The following ABL1 variants were observed in gnomAD, a reference collection of about 807,000 sequenced individuals.
ABL1 encodes ABL proto-oncogene 1, non-receptor tyrosine kinase.
A neutral mutation model predicts 94.7 loss-of-function variants in ABL1; 11 were observed. The observed-to-expected ratio is 0.12, with a 90% CI of 0.07 to 0.19. The LOEUF (loss-of-function observed/expected upper bound fraction) is 0.19. ABL1 is among the 10% of genes least tolerant of loss of function. ABL1 has a pLI of 1.00. For synonymous variants in ABL1, 656 were observed against 622.4 expected, an observed-to-expected ratio of 1.05 and a Z score of -0.80; for missense variants, 1,082 against 1,489.4, an observed-to-expected ratio of 0.73 and a Z score of 4.50.
intron 1 of ABL1, among the ~76,000 whole-genome samples, chr9:130,803,240 A>G (rs1330991703): frequency 6.6e-6 from 1 of 152,056 alleles, no homozygotes; most frequent in African/African-American, 2.4e-5. Flanking sequence ...GGGTTTTGCC[A>G]TGTTGGCCAG....
At chr9:130,732,013 C>G (rs1831672533) in intron 1 of ABL1, among the ~76,000 whole-genome samples, 1 of 151,336 alleles carries the variant, frequency 6.6e-6, no homozygotes, top group African/African-American at 2.4e-5. Flanking sequence ...TCACCTTTCT[C>G]TATTCTTTTT....
intron 1 of ABL1, among the ~76,000 whole-genome samples, chr9:130,722,618 G>A (rs1168676294): frequency 6.6e-6 from 1 of 152,086 alleles, no homozygotes; most frequent in South Asian, 2.1e-4. Context: ...GCCTCCCAAA[G>A]CAATGGGATC....
chr9:130,823,506 TCCTG>T, intron 1 of ABL1, among the ~76,000 whole-genome samples: 2 of 152,268 alleles, frequency 1.3e-5, no homozygotes, highest in East Asian at 3.9e-4. Context: ...ACAGTCGCGG[TCCTG>T]GAGGGGCACG....
intron 1 of ABL1, among the ~76,000 whole-genome samples, chr9:130,821,457 T>A (rs1830362338): frequency 6.6e-6 from 1 of 152,230 alleles, no homozygotes; most frequent in Non-Finnish European, 1.5e-5. Context: ...ATAGCACGTC[T>A]CAGTACTTTG....
At chr9:130,844,758 G>A (rs750238125) in intron 1 of ABL1, among the ~76,000 whole-genome samples, 14 of 152,046 alleles carry the variant, frequency 9.2e-5, no homozygotes, top group Admixed American at 2.6e-4. Context: ...CCAAGATCGC[G>A]CCACCGCACT....
At position 130,806,054 on chromosome 9, in the gene ABL1, A is replaced by G. The variant is rs1207099802; in HGVS notation, c.137-48010A>G. ...GGAAGAAAGCAGGTGTCTGGCCCAG[A>G]GGACCAGATTAAGAAGACCCCATGA... is the stretch of plus-strand genomic sequence containing the variant. On this transcript the variant is annotated intron_variant, in intron 1 of 10. Transcript: ENST00000372348. 2.6e-5 allele frequency among the ~76,000 whole-genome samples: 4 copies of G among 152,328 alleles called. No homozygotes were observed. In the East Asian group the frequency reaches 7.7e-4, roughly 29 times the overall value.
rs1054648575 is a variant in ABL1 at position 130,856,890 on chromosome 9, G to T, written c.549+1794G>T. Among the ~76,000 whole-genome samples the T allele has an allele frequency of 2.6e-5, 4 of 152,176 alleles. No homozygotes were observed. The East Asian group carries it at 7.7e-4, about 29-fold the overall frequency. On this transcript the variant is annotated intron_variant, in intron 3 of 10. Coordinates refer to ENST00000318560, the MANE Select transcript of ABL1 (RefSeq NM_005157.6). ...GTAGTCCCCTGCTGGTTGACTTTTA[G>T]GTTGTTTCCAATCTTTAGTTATTGT... is the stretch of plus-strand genomic sequence containing the variant.
chr9:130,852,303 C>T (rs189719666), intron 1 of ABL1, among the ~76,000 whole-genome samples: 1 of 152,280 alleles, frequency 6.6e-6, no homozygotes, highest in Non-Finnish European at 1.5e-5. Context: ...GATTCTCCTA[C>T]CTCAGCCTCC....
chr9:130,721,372 T>C (rs1451912788), intron 1 of ABL1, among the ~76,000 whole-genome samples: 2 of 152,052 alleles, frequency 1.3e-5, no homozygotes, highest in Non-Finnish European at 2.9e-5. Flanking sequence ...AGCAAGGCTC[T>C]GTCTCAAAAA....
At chr9:130,738,022 G>T (rs543681296) in intron 1 of ABL1, among the ~76,000 whole-genome samples, 5 of 152,044 alleles carry the variant, frequency 3.3e-5, no homozygotes, top group African/African-American at 1.2e-4. Context: ...AATAGAGATA[G>T]GGTTTCACCA....
chr9:130,878,340 G>A, intron 7 of ABL1, 75 bp from the exon 8 acceptor site: 1 of 1,555,502 alleles, frequency 6.4e-7, no homozygotes, highest in Non-Finnish European at 8.8e-7. Flanking sequence ...CTGCTGCAAA[G>A]GTAACTGATT....
intron 1 of ABL1, among the ~76,000 whole-genome samples, chr9:130,849,547 T>A (rs1299129870): frequency 6.6e-6 from 1 of 152,174 alleles, no homozygotes; most frequent in Non-Finnish European, 1.5e-5. Flanking sequence ...TGAGACGATG[T>A]CTCACTCTGT....
chr9:130,836,503 C>T (rs1830586864), intron 1 of ABL1, among the ~76,000 whole-genome samples: 1 of 152,114 alleles, frequency 6.6e-6, no homozygotes, highest in Non-Finnish European at 1.5e-5. Flanking sequence ...ACTTGGACTT[C>T]TCTGTTGTTT....
intron 1 of ABL1, among the ~76,000 whole-genome samples, chr9:130,735,953 ATATATATATT>A (rs1280122284): frequency 2.5e-5 from 2 of 81,548 alleles, no homozygotes; most frequent in Non-Finnish European, 3.9e-5. Context: ...ATATATATAT[ATATATATATT>A]TTTTTTTTTT....
chr9:130,832,784 G>A (rs1830507814), upstream of ABL1, among the ~76,000 whole-genome samples: 2 of 152,114 alleles, frequency 1.3e-5, no homozygotes, highest in Non-Finnish European at 2.9e-5. Flanking sequence ...ATCCTTCTTG[G>A]GGTGTTCTTC....
Position 130,884,155 on chromosome 9 carries a change from G to A in ABL1, c.1865G>A (p.Arg622Gln), listed in dbSNP as rs765678976. 11 of 1,613,254 alleles carry A rather than the reference G, an allele frequency of 6.8e-6. No homozygotes were observed. The highest frequency in any genetic ancestry group is 1.7e-5 in the Admixed American group (1 of 59,938). ...PTPPKRSSSF[R>Q]EMDGQPERRG... ...CCTCCCAAACGCAGCAGCTCCTTCCGGGAGATGGACGGCCAGCCGGAGCGC... is the reference window on the plus strand; with the variant it reads ...CCTCCCAAACGCAGCAGCTCCTTCCAGGAGATGGACGGCCAGCCGGAGCGC... Residue 622 changes from arginine (R) to glutamine (Q), a missense_variant, in exon 11 of 11, where the codon CGG becomes CAG. By Grantham distance (43) the Arg-to-Gln change is conservative. Coordinates refer to ENST00000318560, the MANE Select transcript of ABL1 (RefSeq NM_005157.6). This position sits in a 1 kb window ranked among gnomAD's most constrained non-coding sequence, Gnocchi z 5.6.
chr9:130,834,823 A>T, upstream of ABL1: 5 of 452,076 alleles, frequency 1.1e-5, no homozygotes, highest in Non-Finnish European at 2.2e-5. Flanking sequence ...GTTGAGTAGA[A>T]ATGAGACCAG....
chr9:130,730,399 C>G (rs148531447), intron 1 of ABL1, among the ~76,000 whole-genome samples: 45 of 152,114 alleles, frequency 3.0e-4, no homozygotes, highest in African/African-American at 8.9e-4. Flanking sequence ...TATCTCCCAG[C>G]CTTAATTTGC....
upstream of ABL1, chr9:130,834,929 CG>C (rs1830539489): frequency 2.2e-6 from 1 of 455,750 alleles, no homozygotes; most frequent in African/African-American, 2.0e-5. Context: ...TCGCCAAAAG[CG>C]GTGCAGGTTG....
Sources: gnomAD v4.1 joint callset for allele counts (sites outside exome capture counted in the v4.1 genomes callset) on GRCh38, gnomAD v4.1.1 for gene constraint, Gnocchi (gnomAD v3.1) non-coding constraint, MANE v1.5 for transcripts, NCBI Gene and HGNC (gene_info 2026-07-23, HGNC 2026-07-21) for gene names.